ARHGAP32: variants seen among roughly 807,000 people sequenced by gnomAD.
ARHGAP32 encodes Rho GTPase activating protein 32.
Under a neutral mutation model 186.5 loss-of-function variants are expected in ARHGAP32, and 51 were observed. The ratio of observed to expected loss-of-function variants is 0.27; its 90% confidence interval spans 0.22 to 0.35. ARHGAP32 has a LOEUF of 0.35. Among genes scored for constraint, ARHGAP32 ranks in the 10% least tolerant of loss-of-function variants. The pLI is 1.00. For missense variants in ARHGAP32, 2,186 were observed against 2,623.5 expected (o/e 0.83, Z 3.64); for synonymous variants, 950 against 964.3 (o/e 0.99, Z 0.27).
rs775175166 is a variant in ARHGAP32, at chr11:128,972,854, G to A, written c.3652C>T (p.Pro1218Ser). ...TVSFLDQDQS[P>S]PRFYSGDQPP... Reference sequence around the variant, plus strand: ...TGATCTCCACTGTAGAAACGGGGTGGAGACTGGTCCTGATCCAAGAAGGAG... The same window carrying A: ...TGATCTCCACTGTAGAAACGGGGTGAAGACTGGTCCTGATCCAAGAAGGAG... Residue 1218 changes from proline to serine, a missense_variant, in exon 22 of 23, where the codon CCA becomes TCA. Physicochemically the swap from Pro to Ser is moderately conservative, Grantham distance 74 (BLOSUM62 -1). Coordinates refer to ENST00000682385, the MANE Select transcript of ARHGAP32 (RefSeq NM_001378024.1). 2.5e-6 allele frequency: 4 copies of A among 1,614,012 alleles called. No individual in the cohort carries two copies. The East Asian group carries it at 8.9e-5, about 36-fold the overall frequency.
intron 5 of ARHGAP32, among the ~76,000 whole-genome samples, chr11:129,115,432 C>T (rs527414904): frequency 6.6e-6 from 1 of 152,034 alleles, no homozygotes; most frequent in Non-Finnish European, 1.5e-5. Flanking sequence ...GTTTTTCTTC[C>T]CAGAATGGGA....
chr11:128,974,197 T>G lies in ARHGAP32; in HGVS notation c.3000A>C (p.Glu1000Asp). Residue 1000 changes from glutamate to aspartate, a missense_variant, in exon 21 of 23, where the codon GAA becomes GAC. Coordinates refer to ENST00000682385, the MANE Select transcript of ARHGAP32 (RefSeq NM_001378024.1). ...CAGACTGATCCTCTTTCCCTGGCAA[T>G]TCTACTTCTTCAGCAGCCACCTGGT... ...PLDQVAAEEV[E>D]LPGKEDQSVS... 1 of 1,614,228 alleles carries G rather than the reference T, an allele frequency of 6.2e-7. No individual in the cohort carries two copies. Among genetic ancestry groups the G allele is most frequent in the South Asian group, 1.1e-5 (1 of 91,076 alleles).
At chr11:129,244,376 C>G (rs183836771) in intron 1 of ARHGAP32, among the ~76,000 whole-genome samples, 1 of 152,284 alleles carries the variant, frequency 6.6e-6, no homozygotes, top group East Asian at 1.9e-4. Flanking sequence ...TCTTTAGACT[C>G]TAAAAATTAT....
In ARHGAP32 at chr11:128,970,660, G is replaced by A. The variant is rs1945340867; in HGVS notation, c.4553C>T (p.Pro1518Leu). The stretch of plus-strand genomic sequence containing the variant: ...ATTGTGATGGGGAGGTACACTCTGG[G>A]GACGGTACTGGCAGTTTGGAGTCAT... ...FNMTPNCQYR[P>L]QSVPPHHNKL... The change falls in exon 23 of 23, where the codon CCC becomes CTC. Residue 1518 changes from proline to leucine, a missense_variant. Physicochemically the swap from Pro to Leu is moderately conservative, Grantham distance 98. Transcript: ENST00000682385. This position sits in a 1 kb window ranked among gnomAD's most constrained non-coding sequence, Gnocchi z 5.8. 6.2e-7 allele frequency: 1 copy of A among 1,614,148 alleles called. No homozygotes were observed. Among genetic ancestry groups the A allele is most frequent in the Non-Finnish European group, 8.5e-7 (1 of 1,180,032 alleles).
chr11:129,121,285 C>A (rs772745098), intron 5 of ARHGAP32, among the ~76,000 whole-genome samples: 8 of 151,952 alleles, frequency 5.3e-5, no homozygotes, highest in Non-Finnish European at 7.4e-5. Flanking sequence ...GCATGTAAGT[C>A]AAGCCAGGAT....
chr11:129,132,819 A>C (rs964919567), intron 2 of ARHGAP32, among the ~76,000 whole-genome samples: 2 of 152,238 alleles, frequency 1.3e-5, no homozygotes, highest in Non-Finnish European at 2.9e-5. Context: ...GGTATTATAA[A>C]CACACTGCAT....
Position 129,064,862 on chromosome 11 carries a change from C to T in ARHGAP32, c.741G>A (p.Gly247=). The T allele has an allele frequency of 6.3e-7, 1 of 1,597,004 alleles. No homozygotes were observed. The highest frequency in any genetic ancestry group is 1.1e-5 in the South Asian group (1 of 87,702). ...ATACCTCCATCCAGGTAAGGGCGGGCCCACAGTTGATCTTGTTGCCAGCGA... is the reference window on the plus strand; with the variant it reads ...ATACCTCCATCCAGGTAAGGGCGGGTCCACAGTTGATCTTGTTGCCAGCGA... ...SAIAGNKINC[G]PALTWMEIDN... The change falls in exon 8 of 23, where the codon GGG becomes GGA. Residue 247 remains glycine (G), a synonymous_variant. Coordinates refer to ENST00000682385, the MANE Select transcript of ARHGAP32 (RefSeq NM_001378024.1).
intron 7 of ARHGAP32, among the ~76,000 whole-genome samples, chr11:129,066,059 C>A (rs1313756135): frequency 6.6e-6 from 1 of 152,116 alleles, no homozygotes. Context: ...AATGTGACAG[C>A]TTCACTTTCT....
chr11:129,222,483 T>C (rs180701052), intron 1 of ARHGAP32, among the ~76,000 whole-genome samples: 1 of 152,288 alleles, frequency 6.6e-6, no homozygotes, highest in African/African-American at 2.4e-5. Flanking sequence ...AAATTTTAAG[T>C]AGAATTACAC....
At chr11:129,171,220 G>A (rs1943753062) in intron 1 of ARHGAP32, among the ~76,000 whole-genome samples, 1 of 152,124 alleles carries the variant, frequency 6.6e-6, no homozygotes, top group African/African-American at 2.4e-5. Flanking sequence ...ATTGCTTTTG[G>A]CATTTTTGTT....
chr11:129,173,206 C>T (rs1260804667), intron 1 of ARHGAP32, among the ~76,000 whole-genome samples: 1 of 151,700 alleles, frequency 6.6e-6, no homozygotes, highest in East Asian at 1.9e-4. Context: ...ACTAGAAAAT[C>T]TAGAAGAAAT....
intron 1 of ARHGAP32, among the ~76,000 whole-genome samples, chr11:129,177,183 A>G (rs1010250858): frequency 6.6e-6 from 1 of 151,984 alleles, no homozygotes. Context: ...ACTAGAAAAT[A>G]TAGAAGAAAT....
upstream of ARHGAP32, among the ~76,000 whole-genome samples, chr11:129,193,725 T>TATATA (rs1491296486): frequency 2.4e-3 from 128 of 54,122 alleles, no homozygotes; most frequent in African/African-American, 4.6e-3. Context: ...TATTATATAT[T>TATATA]ATATATAATA....
intron 1 of ARHGAP32, among the ~76,000 whole-genome samples, chr11:129,215,535 T>C (rs1169525064): frequency 6.6e-6 from 1 of 152,208 alleles, no homozygotes; most frequent in Non-Finnish European, 1.5e-5. Context: ...TGGTTCCTTC[T>C]GGAGAGGGGA....
At chr11:129,204,906 A>G (rs1944497241) in intron 1 of ARHGAP32, among the ~76,000 whole-genome samples, 2 of 152,168 alleles carry the variant, frequency 1.3e-5, no homozygotes. Flanking sequence ...TTATTTTCCT[A>G]GGAAGGAGAA....
At chr11:129,084,872 G>C (rs780971937) in intron 6 of ARHGAP32, among the ~76,000 whole-genome samples, 2 of 152,052 alleles carry the variant, frequency 1.3e-5, no homozygotes, top group Non-Finnish European at 1.5e-5. Flanking sequence ...GCAGAAGACA[G>C]GATTATCTAT....
intron 5 of ARHGAP32, among the ~76,000 whole-genome samples, chr11:129,101,204 A>C (rs970471193): frequency 6.6e-6 from 1 of 151,526 alleles, no homozygotes; most frequent in African/African-American, 2.4e-5. Flanking sequence ...TAAAAGGGGG[A>C]AAAAAAACAT....
chr11:129,047,718 C>G (rs961964194), intron 10 of ARHGAP32, among the ~76,000 whole-genome samples: 2 of 152,150 alleles, frequency 1.3e-5, no homozygotes, highest in Non-Finnish European at 2.9e-5. Flanking sequence ...CCGAAACATG[C>G]TTAAAGAACC....
intron 1 of ARHGAP32, among the ~76,000 whole-genome samples, chr11:129,222,664 A>C (rs1003078472): frequency 1.6e-4 from 24 of 152,194 alleles, no homozygotes; most frequent in Admixed American, 5.9e-4. Flanking sequence ...CACTGTTCTC[A>C]TTCACAACCT....
Sources: allele counts gnomAD v4.1 joint callset (sites outside exome capture counted in the v4.1 genomes callset), GRCh38; gene constraint gnomAD v4.1.1; non-coding constraint Gnocchi (gnomAD v3.1); transcripts MANE v1.5; gene names NCBI Gene and HGNC (gene_info 2026-07-23, HGNC 2026-07-21).